The following SLC4A10 variants were observed in gnomAD, a reference collection of about 807,000 sequenced individuals.
SLC4A10 encodes the protein sodium-driven chloride bicarbonate exchanger.
In SLC4A10, 42 loss-of-function variants were observed where a neutral mutation model predicts 137.7. That is an observed-to-expected ratio of 0.30 (90% CI 0.24 to 0.39). The LOEUF is 0.39. Among genes scored for constraint, SLC4A10 ranks in the 10% least tolerant of loss-of-function variants. SLC4A10 has a pLI of 1.00. For missense variants in SLC4A10, 925 were observed against 1,355.0 expected, an observed-to-expected ratio of 0.68 and a Z score of 4.98; for synonymous variants, 474 against 464.1, an observed-to-expected ratio of 1.02 and a Z score of -0.27.
chr2:161,797,576 G>C (rs1232652769), intron 2 of SLC4A10, among the ~76,000 whole-genome samples: 1 of 151,704 alleles, frequency 6.6e-6, no homozygotes, highest in Non-Finnish European at 1.5e-5. Context: ...CTCTCTAAGT[G>C]CTGTAAATGT....
At chr2:161,680,382 G>A (rs1256449092) in intron 1 of SLC4A10, among the ~76,000 whole-genome samples, 1 of 152,086 alleles carries the variant, frequency 6.6e-6, no homozygotes, top group African/African-American at 2.4e-5. Flanking sequence ...TAAACATATA[G>A]CAAAACCAAA....
At chr2:161,750,661 T>C (rs1270914698) in intron 1 of SLC4A10, among the ~76,000 whole-genome samples, 1 of 151,894 alleles carries the variant, frequency 6.6e-6, no homozygotes, top group Admixed American at 6.6e-5. Flanking sequence ...TAATCTATAC[T>C]GGAGAATATT....
At chr2:161,886,844 A>C (rs6716102) in intron 10 of SLC4A10, among the ~76,000 whole-genome samples, 4,566 of 152,150 alleles carry the variant, frequency 0.03, 93 homozygotes, top group African/African-American at 0.05. Flanking sequence ...CAGAACGTGC[A>C]GGCTTGTTAC....
At chr2:161,873,001 A>T (rs1356381965) in intron 7 of SLC4A10, among the ~76,000 whole-genome samples, 1 of 152,084 alleles carries the variant, frequency 6.6e-6, no homozygotes, top group East Asian at 1.9e-4. Context: ...GGCGTGAGCC[A>T]CCCCGCCCGG....
intron 1 of SLC4A10, among the ~76,000 whole-genome samples, chr2:161,716,952 T>C (rs188053835): frequency 6.1e-4 from 93 of 152,300 alleles, no homozygotes; most frequent in African/African-American, 2.2e-3. Flanking sequence ...TTTCGATTTG[T>C]TTGAGTCATC....
chr2:161,678,088 T>A (rs1403753965), intron 1 of SLC4A10, among the ~76,000 whole-genome samples: 1 of 152,160 alleles, frequency 6.6e-6, no homozygotes, highest in Non-Finnish European at 1.5e-5. Context: ...GCATTTTAAA[T>A]GTTAATTTTA....
intron 1 of SLC4A10, among the ~76,000 whole-genome samples, chr2:161,731,497 A>G (rs2046818175): frequency 6.6e-6 from 1 of 152,210 alleles, no homozygotes; most frequent in Non-Finnish European, 1.5e-5. Flanking sequence ...TTGTAGGGAC[A>G]GTTTTCTTCA....
At chr2:161,910,142 A>T (rs1200873180) in intron 15 of SLC4A10, among the ~76,000 whole-genome samples, 1 of 152,192 alleles carries the variant, frequency 6.6e-6, no homozygotes, top group African/African-American at 2.4e-5. Flanking sequence ...TCTATATTTC[A>T]GATTTTTTAT....
At chr2:161,967,490 T>G (rs1242305822) in intron 23 of SLC4A10, among the ~76,000 whole-genome samples, 1 of 152,194 alleles carries the variant, frequency 6.6e-6, no homozygotes, top group African/African-American at 2.4e-5. Context: ...AAATGCTCAG[T>G]GAACCCAGCC....
intron 1 of SLC4A10, among the ~76,000 whole-genome samples, chr2:161,724,262 G>A (rs2045991192): frequency 6.6e-6 from 1 of 152,072 alleles, no homozygotes; most frequent in African/African-American, 2.4e-5. Context: ...CCAGAATCAG[G>A]GGTTTGCCTA....
At chr2:161,937,333 C>T (rs1039325832) in intron 15 of SLC4A10, among the ~76,000 whole-genome samples, 2 of 152,014 alleles carry the variant, frequency 1.3e-5, no homozygotes, top group African/African-American at 4.8e-5. Flanking sequence ...CTTACCAGGC[C>T]CCCCAGCACT....
At chr2:161,765,361 CT>C (rs1453625444) in intron 1 of SLC4A10, among the ~76,000 whole-genome samples, 1 of 152,102 alleles carries the variant, frequency 6.6e-6, no homozygotes, top group East Asian at 1.9e-4. Context: ...AATCTTAGCA[CT>C]TTGGGAAGCC....
At chr2:161,643,089 C>T (rs1333798281) in intron 1 of SLC4A10, among the ~76,000 whole-genome samples, 1 of 151,964 alleles carries the variant, frequency 6.6e-6, no homozygotes, top group Non-Finnish European at 1.5e-5. Context: ...GAAAAGGAAA[C>T]AACCTGAGGC....
At chr2:161,952,795 G>A (rs191117337) in intron 19 of SLC4A10, among the ~76,000 whole-genome samples, 1 of 152,220 alleles carries the variant, frequency 6.6e-6, no homozygotes, top group African/African-American at 2.4e-5. Context: ...TCTCCTATAA[G>A]CTTCTATAGA....
chr2:161,927,669 A>T (rs1420172693), intron 15 of SLC4A10, among the ~76,000 whole-genome samples: 2 of 152,108 alleles, frequency 1.3e-5, no homozygotes, highest in African/African-American at 2.4e-5. Context: ...TCAAACAAAT[A>T]TACAAGAAAA....
intron 5 of SLC4A10, among the ~76,000 whole-genome samples, chr2:161,862,280 A>G (rs1013812283): frequency 7.9e-5 from 12 of 152,202 alleles, no homozygotes; most frequent in South Asian, 4.1e-4. Flanking sequence ...TTTTCTATCC[A>G]TATGAAACAG....
At chr2:161,858,430 T>C (rs540674809) in intron 5 of SLC4A10, among the ~76,000 whole-genome samples, 22 of 152,330 alleles carry the variant, frequency 1.4e-4, no homozygotes, top group African/African-American at 5.3e-4. Flanking sequence ...ATAATTAAAG[T>C]AGGATTTTCT....
chr2:161,692,735 A>G (rs1329329161), intron 1 of SLC4A10, among the ~76,000 whole-genome samples: 2 of 152,088 alleles, frequency 1.3e-5, no homozygotes, highest in East Asian at 1.9e-4. Flanking sequence ...AAAACCTCCA[A>G]TGACTTATCT....
chr2:161,965,019 T>C (rs1697343426), intron 22 of SLC4A10, 32 bp from the exon 23 acceptor site: 2 of 1,587,478 alleles, frequency 1.3e-6, no homozygotes, highest in African/African-American at 2.7e-5. Flanking sequence ...TAATTTTTTT[T>C]CCACTTTAAA....
Sources: allele counts gnomAD v4.1 joint callset (sites outside exome capture counted in the v4.1 genomes callset), GRCh38; gene constraint gnomAD v4.1.1; transcripts MANE v1.5; gene names NCBI Gene and HGNC (gene_info 2026-07-23, HGNC 2026-07-21).